The following RABGAP1 variants were observed in gnomAD, a reference collection of about 807,000 sequenced individuals.
RABGAP1 encodes the protein rab GTPase-activating protein 1.
RABGAP1 carries 23 observed loss-of-function variants against 137.6 expected under a neutral mutation model. The ratio of observed to expected loss-of-function variants is 0.17; its 90% CI spans 0.12 to 0.24. The LOEUF is 0.24. Among genes scored for constraint, RABGAP1 ranks in the 10% least tolerant of loss-of-function variants. The probability of loss-of-function intolerance (pLI) is 1.00; values close to 1 mark genes in which losing one functional copy is unlikely to be tolerated. For synonymous variants in RABGAP1, 451 were observed against 450.7 expected (o/e 1.00, Z -0.01); for missense variants, 906 against 1,275.8 (o/e 0.71, Z 4.42).
rs754594974 is a variant in RABGAP1 at position 122,997,292 on chromosome 9, T to A, written c.1135T>A (p.Tyr379Asn). The part of the protein sequence containing the change: ...SMGKSSDGKS[Y>N]VITGSWNPKS... ...GGGCAAAAGTTCAGATGGAAAGTCG[T>A]ATGTTATTACGGGGAGCTGGAATCC... The change falls in exon 9 of 26, where the codon TAT becomes AAT. Residue 379 changes from tyrosine (Y) to asparagine (N), a missense_variant. Physicochemically the swap from Tyr to Asn is moderately radical, Grantham distance 143 (BLOSUM62 -2). Transcript: ENST00000373647. 6.2e-7 allele frequency: 1 copy of A among 1,610,624 alleles called. No homozygotes were observed. The highest frequency in any genetic ancestry group is 8.5e-7 in the Non-Finnish European group (1 of 1,178,778).
Position 123,104,331 on chromosome 9 carries a change from C to T in RABGAP1, c.*1118C>T, listed in dbSNP as rs2035438118. 1 of 152,410 alleles carries T rather than the reference C, an allele frequency of 6.6e-6. No individual in the cohort carries two copies. Among genetic ancestry groups the T allele is most frequent in the Non-Finnish European group, 1.5e-5 (1 of 68,046 alleles). 9.4% of individuals were successfully genotyped at this position (152,410 alleles called of 1,614,324 possible). On this transcript the variant is annotated 3_prime_UTR_variant, in exon 26 of 26. Transcript: ENST00000373647. ...AGATGGGCTGGGCCTTTGGGCCCTC[C>T]TCAGAGTATGCCTGGGTACAAACCT...
chr9:123,034,398 G>A (rs1229083217), intron 13 of RABGAP1: 1 of 605,230 alleles, frequency 1.7e-6, no homozygotes, highest in Admixed American at 3.0e-5. Context: ...AAGGGGAATT[G>A]CACTGCAGGC....
chr9:123,067,700 GT>G, intron 14 of RABGAP1, among the ~76,000 whole-genome samples: 1 of 152,318 alleles, frequency 6.6e-6, no homozygotes, highest in South Asian at 2.1e-4. Flanking sequence ...ACTTGGCACA[GT>G]GCTTGGTCTA....
intron 13 of RABGAP1, chr9:123,063,110 CTG>C (rs1426443129): frequency 6.6e-6 from 1 of 152,254 alleles, no homozygotes; most frequent in Non-Finnish European, 1.5e-5. Context: ...TCTCTAATAA[CTG>C]TATCCTTTTT....
At chr9:122,942,106 G>A (rs1245621985) in intron 1 of RABGAP1, among the ~76,000 whole-genome samples, 1 of 152,136 alleles carries the variant, frequency 6.6e-6, no homozygotes, top group East Asian at 1.9e-4. Flanking sequence ...ACAAACGTGT[G>A]CCTGGAGTAG....
chr9:123,047,935 T>TG, intron 13 of RABGAP1, among the ~76,000 whole-genome samples: 1 of 74,520 alleles, frequency 1.3e-5, no homozygotes, highest in Non-Finnish European at 2.2e-5. Context: ...TTTTTTTTTT[T>TG]TTTTTTTTTT....
chr9:123,020,289 G>T lies in RABGAP1; in HGVS notation c.1644-20G>T. 2.0e-6 allele frequency: 3 copies of T among 1,500,234 alleles called. No homozygotes were observed. The highest frequency in any genetic ancestry group is 2.7e-6 in the Non-Finnish European group (3 of 1,111,826). 92.9% of individuals were successfully genotyped at this position (1,500,234 alleles called of 1,614,324 possible). On this transcript the variant is annotated intron_variant, in intron 12 of 25. Transcript: ENST00000373647. ...TCTTATCTTCCTTTTATGATTTATG[G>T]TTTATGGCCTTATTTTTAGGCATCT...
intron 13 of RABGAP1, among the ~76,000 whole-genome samples, chr9:123,021,306 A>C (rs1205538722): frequency 2.0e-5 from 3 of 151,510 alleles, no homozygotes; most frequent in South Asian, 2.1e-4. Context: ...AAAAAAAAAA[A>C]AAACCTTATA....
At chr9:123,039,120 G>A (rs956484714) in intron 13 of RABGAP1, among the ~76,000 whole-genome samples, 2 of 152,130 alleles carry the variant, frequency 1.3e-5, no homozygotes, top group Non-Finnish European at 2.9e-5. Context: ...TCTTCTACAT[G>A]TAAGGAAGCC....
At position 123,090,275 on chromosome 9, in the gene RABGAP1, C is replaced by T. The variant is rs199647707; in HGVS notation, c.2518C>T (p.Arg840Trp). Residue 840 changes from arginine (R) to tryptophan (W), a missense_variant and splice_region_variant, in exon 21 of 26, where the codon CGG (arginine) becomes TGG (tryptophan). Coordinates refer to ENST00000373647, the MANE Select transcript of RABGAP1 (RefSeq NM_012197.4). ...TAACTGGTTTCTTTCTACCCTTCAG[C>T]GGGAGAATAGGCGTCTACAAGAAGC... Reference protein sequence around the residue: ...QQEDPIERFERENRRLQEANM... With the variant: ...QQEDPIERFEWENRRLQEANM... 3 of 1,607,804 alleles carry T rather than the reference C, an allele frequency of 1.9e-6. No individual in the cohort carries two copies. Among genetic ancestry groups the T allele is most frequent in the Non-Finnish European group, 2.5e-6 (3 of 1,176,544 alleles).
Position 122,945,147 on chromosome 9 carries a change from C to CTTTTTTT in RABGAP1, c.-50+4064_-50+4070dup, listed in dbSNP as rs202090815. On this transcript the variant is annotated intron_variant, in intron 1 of 25. Transcript: ENST00000373647. Reference sequence around the variant, plus strand: ...CACCATGTATACATCATAGCTGTTGCTTTTTTTTTTTTTTTTAGCATAAAC... The same window carrying CTTTTTTT: ...CACCATGTATACATCATAGCTGTTGCTTTTTTTTTTTTTTTTTTTTTTTAGCATAAAC... Among the ~76,000 whole-genome samples the CTTTTTTT allele has an allele frequency of 6.3e-4, 48 of 75,820 alleles. 7 individuals are homozygous for CTTTTTTT. The highest frequency in any genetic ancestry group is 9.1e-4 in the Non-Finnish European group (32 of 34,990). 49.7% of individuals were successfully genotyped at this position (75,820 alleles called of 152,430 possible). A position where few individuals can be genotyped will look rare whatever the true frequency, so the allele number is the denominator to read the frequency against.
At chr9:123,016,376 G>A (rs1361004941) in intron 12 of RABGAP1, among the ~76,000 whole-genome samples, 4 of 152,006 alleles carry the variant, frequency 2.6e-5, no homozygotes, top group Admixed American at 6.6e-5. Flanking sequence ...GCGTGGTGAC[G>A]CACACCTGTG....
chr9:123,081,767 T>C (rs1297373282), intron 19 of RABGAP1, among the ~76,000 whole-genome samples: 3 of 152,174 alleles, frequency 2.0e-5, no homozygotes, highest in Non-Finnish European at 2.9e-5. Context: ...TATTATGATA[T>C]TGTTGTAATT....
chr9:122,952,528 A>T (rs566378416), intron 1 of RABGAP1, among the ~76,000 whole-genome samples: 1 of 152,150 alleles, frequency 6.6e-6, no homozygotes, highest in East Asian at 1.9e-4. Flanking sequence ...TCGGCCTCCC[A>T]AAGTGCTGGG....
At chr9:122,985,940 G>A (rs184618695) in intron 3 of RABGAP1, among the ~76,000 whole-genome samples, 1 of 152,174 alleles carries the variant, frequency 6.6e-6, no homozygotes, top group African/African-American at 2.4e-5. Flanking sequence ...TAAGTGTCAT[G>A]TAGGTACTCA....
chr9:123,089,771 A>T lies in RABGAP1; in HGVS notation c.2438A>T (p.Lys813Met). 5 of 1,612,970 alleles carry T rather than the reference A, an allele frequency of 3.1e-6. No individual in the cohort carries two copies. Among genetic ancestry groups the T allele is most frequent in the Non-Finnish European group, 4.2e-6 (5 of 1,179,208 alleles). The part of the protein sequence containing the change: ...LACNMKISQK[K>M]LKKYEKEYHT... The stretch of plus-strand genomic sequence containing the variant: ...TTTATCCTACAGATTAGTCAGAAGA[A>T]GTTGAAAAAATACGAGAAAGAATAT... Residue 813 changes from lysine (K) to methionine (M), a missense_variant, in exon 20 of 26, where the codon AAG becomes ATG. By Grantham distance (95) the Lys-to-Met change is moderately conservative. Coordinates refer to ENST00000373647, the MANE Select transcript of RABGAP1 (RefSeq NM_012197.4).
chr9:122,991,644 T>A (rs62580278), intron 6 of RABGAP1, among the ~76,000 whole-genome samples: 1,669 of 150,880 alleles, frequency 0.011, 26 homozygotes, highest in Non-Finnish European at 0.016. Flanking sequence ...ACGCTGTTGC[T>A]CAGGCTTGAA....
intron 1 of RABGAP1, among the ~76,000 whole-genome samples, chr9:122,948,443 G>A (rs941496966): frequency 1.3e-5 from 2 of 152,140 alleles, no homozygotes; most frequent in Non-Finnish European, 2.9e-5. Context: ...GCCTGCCCAA[G>A]CCTTAGTTTG....
the RABGAP1 span, among the ~76,000 whole-genome samples, chr9:122,934,530 T>A: frequency 6.6e-6 from 1 of 152,168 alleles, no homozygotes; most frequent in Non-Finnish European, 1.5e-5. Flanking sequence ...AGAGACAGGG[T>A]CTCACTCTGT....
Sources: gnomAD v4.1 joint callset for allele counts (sites outside exome capture counted in the v4.1 genomes callset) on GRCh38, gnomAD v4.1.1 for gene constraint, MANE v1.5 for transcripts, NCBI Gene and HGNC (gene_info 2026-07-23, HGNC 2026-07-21) for gene names.